The following DLG2 variants were observed in gnomAD, a reference collection of about 807,000 sequenced individuals.
DLG2 encodes the protein discs large MAGUK scaffold protein 2, also known as disks large homolog 2.
Under a neutral mutation model 132.5 loss-of-function variants are expected in DLG2, and 45 were observed. The ratio of observed to expected loss-of-function variants is 0.34; its 90% CI spans 0.27 to 0.44. The LOEUF (loss-of-function observed/expected upper bound fraction) is 0.44. Ranked by LOEUF, DLG2 falls within the 20% of genes least tolerant of loss-of-function variation. The pLI is 1.00. For synonymous variants in DLG2, 424 were observed against 419.6 expected, an observed-to-expected ratio of 1.01 and a Z score of -0.13; for missense variants, 1,045 against 1,196.9, an observed-to-expected ratio of 0.87 and a Z score of 1.87.
chr11:84,858,205 TTTTCTTTTTTTTTATTTGCATATCC>T (rs1282373277), intron 6 of DLG2, among the ~76,000 whole-genome samples: 1 of 152,078 alleles, frequency 6.6e-6, no homozygotes, highest in Admixed American at 6.6e-5. Context: ...CCTAAAAATG[TTTTCTTTTTTTTTATTTGCATATCC>T]TTAAGGGCCA....
intron 11 of DLG2, among the ~76,000 whole-genome samples, chr11:84,006,371 A>G (rs1000730179): frequency 1.3e-4 from 19 of 151,754 alleles, no homozygotes; most frequent in Admixed American, 3.3e-4. Context: ...CTATTGTTCA[A>G]AAGCAGAGTA....
rs1242371406 is a variant in DLG2 at position 83,520,638 on chromosome 11, G to GATA, written c.2193+12069_2193+12070insTAT. Among the ~76,000 whole-genome samples the GATA allele has an allele frequency of 1.8e-3, 257 of 141,602 alleles. 4 individuals carry two copies. Among genetic ancestry groups the GATA allele is most frequent in the South Asian group, 8.6e-3 (38 of 4,410 alleles). The allele number at this position is 141,602 out of a possible 152,430, so 92.9% of individuals were successfully genotyped here. The stretch of plus-strand genomic sequence containing the variant: ...AGACAGGTAGGTAGATAGGTAGGTA[G>GATA]GTAGATAGATAGATAGATAGATAGA... On this transcript the variant is annotated intron_variant, in intron 21 of 27. Coordinates refer to ENST00000376104, the MANE Select transcript of DLG2 (RefSeq NM_001142699.3).
intron 3 of DLG2, among the ~76,000 whole-genome samples, chr11:85,330,721 T>C (rs1366832497): frequency 1.2e-4 from 13 of 104,522 alleles, no homozygotes; most frequent in African/African-American, 4.2e-4. Context: ...GGCACATGTA[T>C]ACATATGTAA....
At chr11:85,175,726 C>T (rs1176221297) in intron 4 of DLG2, among the ~76,000 whole-genome samples, 1 of 152,114 alleles carries the variant, frequency 6.6e-6, no homozygotes, top group Non-Finnish European at 1.5e-5. Context: ...GCCGTCACCA[C>T]CCAAAAGTAT....
At chr11:85,297,073 G>A (rs1317285027) in intron 3 of DLG2, among the ~76,000 whole-genome samples, 3 of 151,620 alleles carry the variant, frequency 2.0e-5, no homozygotes, top group Non-Finnish European at 2.9e-5. Flanking sequence ...AGAATGTACT[G>A]CTTAAATAAA....
intron 3 of DLG2, among the ~76,000 whole-genome samples, chr11:85,550,616 C>G (rs907514632): frequency 6.6e-6 from 1 of 152,238 alleles, no homozygotes; most frequent in African/African-American, 2.4e-5. Flanking sequence ...GAGGCACCCA[C>G]TGTTGCAAGT....
At position 85,112,390 on chromosome 11, in the gene DLG2, A is replaced by T. The variant is rs192236499; in HGVS notation, c.283-655T>A. Among the ~76,000 whole-genome samples, 535 of 152,186 alleles carry T rather than the reference A, an allele frequency of 3.5e-3. 1 individual carries two copies. Among genetic ancestry groups the T allele is most frequent in the Non-Finnish European group, 5.5e-3 (377 of 67,966 alleles). ...TTGTAATTCCTGTAAATTTACTTCT[A>T]ATTGGCTTTTAAAAATAATACAGTG... On this transcript the variant is annotated intron_variant, in intron 5 of 27. Coordinates refer to ENST00000376104, the MANE Select transcript of DLG2 (RefSeq NM_001142699.3).
chr11:83,979,267 C>A (rs1448384429), intron 12 of DLG2, among the ~76,000 whole-genome samples: 1 of 152,092 alleles, frequency 6.6e-6, no homozygotes, highest in Non-Finnish European at 1.5e-5. Flanking sequence ...AAAACTTGCA[C>A]AGGTCATAAA....
intron 3 of DLG2, among the ~76,000 whole-genome samples, chr11:85,287,244 A>T (rs1199099001): frequency 6.6e-6 from 1 of 152,120 alleles, no homozygotes; most frequent in African/African-American, 2.4e-5. Flanking sequence ...ACAAGGTACA[A>T]ATTGAAAGAA....
At chr11:85,545,232 A>G (rs1334246577) in intron 3 of DLG2, among the ~76,000 whole-genome samples, 2 of 152,198 alleles carry the variant, frequency 1.3e-5, no homozygotes, top group South Asian at 2.1e-4. Flanking sequence ...CCTTTTCTGC[A>G]TCTATTGAGA....
At chr11:83,923,419 T>C (rs1247128659) in intron 15 of DLG2, among the ~76,000 whole-genome samples, 3 of 152,116 alleles carry the variant, frequency 2.0e-5, no homozygotes, top group African/African-American at 7.2e-5. Context: ...ATGATTAGTA[T>C]GGCCAAATGG....
rs1228025413 is a variant in DLG2, at chr11:84,685,728, C to T, written c.358-150997G>A. 6.6e-5 allele frequency among the ~76,000 whole-genome samples: 10 copies of T among 151,010 alleles called. 1 individual carries two copies. Among genetic ancestry groups the T allele is most frequent in the Admixed American group, 3.9e-4 (6 of 15,196 alleles). On this transcript the variant is annotated intron_variant, in intron 6 of 27. Coordinates refer to ENST00000376104, the MANE Select transcript of DLG2 (RefSeq NM_001142699.3). ...TTCTGTATCCTTTTTTTTTTTGAGA[C>T]GGAGTCTCGCTCTGTCGCCCAGGCT...
intron 6 of DLG2, among the ~76,000 whole-genome samples, chr11:84,567,650 C>T (rs967722894): frequency 1.2e-4 from 18 of 152,284 alleles, no homozygotes; most frequent in Non-Finnish European, 8.8e-5. Context: ...TTGAAAGTAG[C>T]GGCTGTTACT....
chr11:85,216,219 G>A (rs945246286), intron 4 of DLG2, among the ~76,000 whole-genome samples: 24 of 152,070 alleles, frequency 1.6e-4, no homozygotes, highest in African/African-American at 5.3e-4. Flanking sequence ...GATTTAAAAC[G>A]ACAAGAAAGT....
rs1163995400 is a variant in DLG2 at position 83,469,291 on chromosome 11, A to C, written c.2529T>G (p.Asp843Glu). Residue 843 changes from aspartate (D) to glutamate (E), a missense_variant, in exon 25 of 28, where the codon GAT becomes GAG. Physicochemically the swap from Asp to Glu is conservative, Grantham distance 45 (BLOSUM62 2). Transcript: ENST00000376104. Reference sequence around the variant, plus strand: ...CTTCTATAAACTTGTGCTCTTGGATATCTTTCTCCATTTGTTCTCTGGAAA... The same window carrying C: ...CTTCTATAAACTTGTGCTCTTGGATCTCTTTCTCCATTTGTTCTCTGGAAA... ...FVISREQMEK[D>E]IQEHKFIEAG... 1.2e-6 allele frequency: 2 copies of C among 1,613,854 alleles called. No individual in the cohort carries two copies. Among genetic ancestry groups the C allele is most frequent in the East Asian group, 2.2e-5 (1 of 44,856 alleles).
chr11:84,812,814 T>C (rs1050003894), intron 6 of DLG2, among the ~76,000 whole-genome samples: 1 of 152,122 alleles, frequency 6.6e-6, no homozygotes, highest in Non-Finnish European at 1.5e-5. Flanking sequence ...ACATTTATGA[T>C]TGGGTTAAGA....
intron 17 of DLG2, among the ~76,000 whole-genome samples, chr11:83,828,794 G>A (rs952400689): frequency 6.6e-6 from 1 of 152,110 alleles, no homozygotes; most frequent in African/African-American, 2.4e-5. Flanking sequence ...AACACTTATT[G>A]AATATGTATA....
At chr11:83,986,047 G>A (rs1363281336) in intron 11 of DLG2, among the ~76,000 whole-genome samples, 3 of 151,220 alleles carry the variant, frequency 2.0e-5, no homozygotes, top group Non-Finnish European at 4.4e-5. Context: ...TAAACCAATA[G>A]ATTTTTTTAT....
At chr11:85,186,338 T>C (rs896273449) in intron 4 of DLG2, among the ~76,000 whole-genome samples, 3 of 152,094 alleles carry the variant, frequency 2.0e-5, no homozygotes, top group African/African-American at 7.2e-5. Flanking sequence ...TTTACATTTC[T>C]TTTTTAGTAC....
Sources: gnomAD v4.1 joint callset for allele counts (sites outside exome capture counted in the v4.1 genomes callset) on GRCh38, gnomAD v4.1.1 for gene constraint, MANE v1.5 for transcripts, NCBI Gene and HGNC (gene_info 2026-07-23, HGNC 2026-07-21) for gene names.